The following TM7SF3 variants were observed in gnomAD, a reference collection of about 807,000 sequenced individuals.
The protein encoded by TM7SF3 is transmembrane 7 superfamily member 3.
A neutral mutation model predicts 65.5 loss-of-function variants in TM7SF3; 60 were observed. That is an observed-to-expected ratio of 0.92 (90% confidence interval 0.74 to 1.14). The LOEUF is 1.14. Ranked by LOEUF, TM7SF3 falls within the 50% of genes most tolerant of loss-of-function variation. TM7SF3 has a pLI of 0.00. For missense variants in TM7SF3, 623 were observed against 684.8 expected (o/e 0.91, Z 1.01); for synonymous variants, 264 against 259.6 (o/e 1.02, Z -0.16).
At chr12:26,980,502 G>A in intron 8 of TM7SF3, 64 bp downstream of exon 8, 1 of 839,572 alleles carries the variant, frequency 1.2e-6, no homozygotes, top group Non-Finnish European at 2.0e-6. Context: ...TAGAAGGAAA[G>A]GTGAAGTAAA....
intron 9 of TM7SF3, chr12:26,979,543 C>T (rs1466450366): frequency 2.0e-6 from 1 of 511,822 alleles, no homozygotes; most frequent in Non-Finnish European, 3.5e-6. Flanking sequence ...TACCACTTAT[C>T]ACAACAAATA....
In TM7SF3 at chr12:27,014,181, C is replaced by T; in HGVS notation, c.-13G>A. ...GCAGGAACCCCATTGCTGCCTGGGC[C>T]GGGCTGGGCCCACGCCAGGGCTGGG... On this transcript the variant is annotated 5_prime_UTR_variant, in exon 1 of 12. Transcript: ENST00000343028. The T allele has an allele frequency of 1.3e-6, 2 of 1,552,522 alleles. No homozygotes were observed. The highest frequency in any genetic ancestry group is 2.7e-5 in the African/African-American group (2 of 73,368).
intron 6 of TM7SF3, among the ~76,000 whole-genome samples, chr12:26,989,254 G>A (rs1284200455): frequency 6.6e-6 from 1 of 152,100 alleles, no homozygotes; most frequent in African/African-American, 2.4e-5. Context: ...TGGCCAACAT[G>A]GTGAAACCCC....
intron 1 of TM7SF3, among the ~76,000 whole-genome samples, chr12:27,009,476 G>A (rs1300421488): frequency 6.6e-6 from 1 of 152,140 alleles, no homozygotes; most frequent in African/African-American, 2.4e-5. Flanking sequence ...TCTCTGTAGA[G>A]GTCTTTACAT....
At position 26,985,674 on chromosome 12, in the gene TM7SF3, TATATAC is replaced by T. The variant is rs369819396; in HGVS notation, c.869-2821_869-2816del. Among the ~76,000 whole-genome samples, 462 of 111,860 alleles carry T rather than the reference TATATAC, an allele frequency of 4.1e-3. 5 individuals carry two copies. Among genetic ancestry groups the T allele is most frequent in the African/African-American group, 0.014 (390 of 28,368 alleles). 73.4% of individuals were successfully genotyped at this position (111,860 alleles called of 152,430 possible). On this transcript the variant is annotated intron_variant, in intron 6 of 11. Coordinates refer to ENST00000343028, the MANE Select transcript of TM7SF3 (RefSeq NM_016551.3). ...AAAAATATATATATATATATATATA[TATATAC>T]ACACACACAAACATATCTGCCAAGG...
intron 11 of TM7SF3, 28 bp downstream of exon 11, chr12:26,975,468 C>T: frequency 6.2e-7 from 1 of 1,613,280 alleles, no homozygotes; most frequent in South Asian, 1.1e-5. Flanking sequence ...TGTGCTGTCA[C>T]ACTGGTTTTT....
At chr12:27,006,501 G>A (rs1941043705) in intron 1 of TM7SF3, among the ~76,000 whole-genome samples, 1 of 152,118 alleles carries the variant, frequency 6.6e-6, no homozygotes, top group African/African-American at 2.4e-5. Context: ...GACAAAATGG[G>A]ACATTCTCTC....
chr12:26,992,898 C>G (rs1390427500), intron 5 of TM7SF3, among the ~76,000 whole-genome samples: 1 of 148,100 alleles, frequency 6.8e-6, no homozygotes, highest in Non-Finnish European at 1.5e-5. Context: ...CAGATTTTCC[C>G]TAATGTCTTT....
chr12:27,003,332 T>C lies in TM7SF3; in HGVS notation c.150A>G (p.Pro50=), dbSNP rs370301006. 6.2e-7 allele frequency: 1 copy of C among 1,613,868 alleles called. No homozygotes were observed. Among genetic ancestry groups the C allele is most frequent in the African/African-American group, 1.3e-5 (1 of 75,046 alleles). Residue 50 remains proline (P), a synonymous_variant, in exon 2 of 12, where the codon CCA becomes CCG. Coordinates refer to ENST00000343028, the MANE Select transcript of TM7SF3 (RefSeq NM_016551.3). Reference sequence around the variant, plus strand: ...AAATATCATGCAAAATAGCTTCCTCTGGAAAGGGCCTATTGAGCTCGAAGT... The same window carrying C: ...AAATATCATGCAAAATAGCTTCCTCCGGAAAGGGCCTATTGAGCTCGAAGT... ...FRYFELNRPF[P]EEAILHDISS... is the part of the protein sequence containing the mutation.
At chr12:26,988,850 CT>C (rs560727897) in intron 6 of TM7SF3, among the ~76,000 whole-genome samples, 132 of 152,220 alleles carry the variant, frequency 8.7e-4, no homozygotes, top group African/African-American at 3.1e-3. Flanking sequence ...TCTGCCACCC[CT>C]GAGACAGCAA....
rs796286570 is a variant in TM7SF3 at position 26,979,876 on chromosome 12, C to T, written c.1097G>A (p.Trp366Ter). The change falls in exon 9 of 12, where the codon TGG becomes TAG. Residue 366 changes from tryptophan (W) to a stop codon, truncating the protein, a stop_gained. Coordinates refer to ENST00000343028, the MANE Select transcript of TM7SF3 (RefSeq NM_016551.3). LOFTEE classifies it high-confidence loss of function. ...SVGGMFLVAV[W>*]WRFGILSICM... The stretch of plus-strand genomic sequence containing the variant: ...GATCGAGAGGATTCCAAATCGCCAC[C>T]ACACAGCTACCAAGAACATTCCACC... The T allele has an allele frequency of 1.2e-6, 2 of 1,614,184 alleles. No individual in the cohort carries two copies. The highest frequency in any genetic ancestry group is 1.7e-6 in the Non-Finnish European group (2 of 1,180,024).
At chr12:27,003,809 G>A (rs1341667025) in intron 1 of TM7SF3, among the ~76,000 whole-genome samples, 1 of 152,176 alleles carries the variant, frequency 6.6e-6, no homozygotes, top group East Asian at 1.9e-4. Flanking sequence ...AGTCAGCGTA[G>A]CCCGAAGAGA....
intron 2 of TM7SF3, among the ~76,000 whole-genome samples, chr12:27,002,769 C>G (rs1019599657): frequency 1.3e-5 from 2 of 152,170 alleles, no homozygotes; most frequent in African/African-American, 4.8e-5. Flanking sequence ...GCTGGATGAA[C>G]TGAGCACTAT....
rs1187530897 is a variant in TM7SF3, at chr12:26,973,177, T to TC, written c.*787_*788insG. 1.3e-5 allele frequency: 2 copies of TC among 149,362 alleles called. No homozygotes were observed. The highest frequency in any genetic ancestry group is 3.9e-4 in the East Asian group (2 of 5,092). 9.3% of individuals were successfully genotyped at this position (149,362 alleles called of 1,614,324 possible). ...GACTGCTTTTAGTAAGAAAATAAGT[T>TC]TTTTTTTTTTTTAATTTCTCGAGAC... On this transcript the variant is annotated 3_prime_UTR_variant, in exon 12 of 12. Transcript: ENST00000343028.
At chr12:26,988,302 G>A (rs762795980) in intron 6 of TM7SF3, among the ~76,000 whole-genome samples, 2 of 152,024 alleles carry the variant, frequency 1.3e-5, no homozygotes, top group Admixed American at 6.6e-5. Flanking sequence ...TAGCTGGAAC[G>A]ACAGGCATGT....
chr12:27,012,048 T>C (rs1802319828), intron 1 of TM7SF3, among the ~76,000 whole-genome samples: 1 of 152,186 alleles, frequency 6.6e-6, no homozygotes, highest in African/African-American at 2.4e-5. Flanking sequence ...AGAGATAGCA[T>C]CTCTTCTACC....
At position 26,975,394 on chromosome 12, in the gene TM7SF3, G is replaced by A. The variant is rs1207676963; in HGVS notation, c.1450+102C>T. On this transcript the variant is annotated intron_variant, in intron 11 of 11. Transcript: ENST00000343028. The stretch of plus-strand genomic sequence containing the variant: ...TGCTGTGTTCCCTCCTTTTGTCCCA[G>A]TTGACTTTCTTTAAATTTAGTTTCC... The A allele has an allele frequency of 4.9e-6, 6 of 1,220,390 alleles. No homozygotes were observed. In the East Asian group the frequency reaches 1.4e-4, roughly 29 times the overall value. The allele number at this position is 1,220,390 out of a possible 1,614,324, so 75.6% of individuals were successfully genotyped here.
chr12:26,996,787 A>G lies in TM7SF3; in HGVS notation c.473T>C (p.Phe158Ser), dbSNP rs371783055. 135 of 1,613,732 alleles carry G rather than the reference A, an allele frequency of 8.4e-5. No homozygotes were observed. The highest frequency in any genetic ancestry group is 9.9e-5 in the Non-Finnish European group (117 of 1,179,940). Residue 158 changes from phenylalanine (F) to serine (S), a missense_variant, in exon 4 of 12, where the codon TTT becomes TCT. Physicochemically the swap from Phe to Ser is radical, Grantham distance 155. Coordinates refer to ENST00000343028, the MANE Select transcript of TM7SF3 (RefSeq NM_016551.3). ...TGGGGCAAACTTGATAGTCGTTTCA[A>G]AGAAATTATACTCCAAGTAAATGTT... ...DPNIYLEYNF[F>S]ETTIKFAPAN...
chr12:26,995,153 A>T (rs1940536366), intron 5 of TM7SF3, 84 bp downstream of exon 5: 6 of 1,379,452 alleles, frequency 4.3e-6, no homozygotes, highest in Non-Finnish European at 6.0e-6. Flanking sequence ...GAGTAAAGAA[A>T]TAAGATCCTG....
Sources: gnomAD v4.1 joint callset for allele counts (sites outside exome capture counted in the v4.1 genomes callset) on GRCh38, gnomAD v4.1.1 for gene constraint, MANE v1.5 for transcripts, NCBI Gene and HGNC (gene_info 2026-07-23, HGNC 2026-07-21) for gene names.